The following MIR2052HG variants were observed in gnomAD, a reference collection of about 807,000 sequenced individuals.
MIR2052HG encodes MIR2052 host gene.
intron 2 of MIR2052HG, among the ~76,000 whole-genome samples, chr8:74,639,169 G>C (rs74530283): frequency 0.072 from 10,895 of 152,180 alleles, 588 homozygotes; most frequent in African/African-American, 0.15. Context: ...TGTCATGGGT[G>C]ATCTTGGTCA....
intron 1 of MIR2052HG, among the ~76,000 whole-genome samples, chr8:74,602,831 T>TTCTTTCTTTCTTTCTA (rs1808029534): frequency 7.5e-6 from 1 of 133,672 alleles, no homozygotes; most frequent in Non-Finnish European, 1.6e-5. Context: ...CTTTCTTTCT[T>TTCTTTCTTTCTTTCTA]TCTTTCTTTC....
At chr8:74,670,064 G>C (rs1424161550) in intron 2 of MIR2052HG, among the ~76,000 whole-genome samples, 1 of 152,138 alleles carries the variant, frequency 6.6e-6, no homozygotes, top group African/African-American at 2.4e-5. Flanking sequence ...CAGCAAGAAG[G>C]CTGCTGTCTG....
At chr8:74,654,799 A>T (rs1403093516) in intron 2 of MIR2052HG, among the ~76,000 whole-genome samples, 1 of 152,180 alleles carries the variant, frequency 6.6e-6, no homozygotes, top group Non-Finnish European at 1.5e-5. Context: ...TGTGGAAGCG[A>T]CTTTGGAACT....
chr8:74,648,063 A>T (rs145881794), intron 2 of MIR2052HG, among the ~76,000 whole-genome samples: 1 of 152,218 alleles, frequency 6.6e-6, no homozygotes, highest in East Asian at 1.9e-4. Flanking sequence ...ATAAGGAAAG[A>T]TAACCATAAT....
At chr8:74,681,829 A>G (rs973926205) in intron 2 of MIR2052HG, among the ~76,000 whole-genome samples, 2 of 152,214 alleles carry the variant, frequency 1.3e-5, no homozygotes, top group African/African-American at 4.8e-5. Flanking sequence ...GTATTCTGTT[A>G]TAGCAGAAGA....
intron 2 of MIR2052HG, chr8:74,633,175 A>G (rs1235432933): frequency 6.6e-6 from 1 of 151,774 alleles, no homozygotes; most frequent in Non-Finnish European, 1.5e-5. Context: ...ATGTGCCACC[A>G]CCCCTGGCTA....
At chr8:74,757,765 C>G (rs1810020383) in intron 5 of MIR2052HG, 1 of 152,046 alleles carries the variant, frequency 6.6e-6, no homozygotes, top group Admixed American at 6.6e-5. Flanking sequence ...TTTCGTGATG[C>G]CTACTCCTTG....
At chr8:74,747,942 A>G (rs1223051612) in intron 4 of MIR2052HG, among the ~76,000 whole-genome samples, 1 of 152,186 alleles carries the variant, frequency 6.6e-6, no homozygotes, top group African/African-American at 2.4e-5. Flanking sequence ...AGATGATCCA[A>G]AGTATATGCA....
At chr8:74,726,026 T>C (rs754355659) in intron 4 of MIR2052HG, among the ~76,000 whole-genome samples, 1 of 152,070 alleles carries the variant, frequency 6.6e-6, no homozygotes, top group Non-Finnish European at 1.5e-5. Flanking sequence ...ACCCCATCTC[T>C]ACTAAAGATA....
chr8:74,620,059 G>T (rs1037066234), intron 2 of MIR2052HG, among the ~76,000 whole-genome samples: 4 of 152,220 alleles, frequency 2.6e-5, no homozygotes, highest in Admixed American at 2.0e-4. Context: ...AAACAAAGGG[G>T]CTACAGGCCC....
intron 2 of MIR2052HG, among the ~76,000 whole-genome samples, chr8:74,642,849 G>A (rs189304159): frequency 1.6e-4 from 25 of 152,236 alleles, no homozygotes; most frequent in African/African-American, 3.9e-4. Flanking sequence ...GTTTCATTGC[G>A]TGTCCAGCAT....
At chr8:74,674,746 T>C (rs1809032787) in intron 2 of MIR2052HG, among the ~76,000 whole-genome samples, 1 of 151,910 alleles carries the variant, frequency 6.6e-6, no homozygotes, top group Non-Finnish European at 1.5e-5. Flanking sequence ...ATTAATCATA[T>C]TGATAAACAA....
At chr8:74,745,738 A>G (rs764763962) in intron 4 of MIR2052HG, among the ~76,000 whole-genome samples, 3 of 152,216 alleles carry the variant, frequency 2.0e-5, no homozygotes, top group Non-Finnish European at 2.9e-5. Flanking sequence ...ATTTCCTCAT[A>G]TGGGAAACCG....
intron 4 of MIR2052HG, among the ~76,000 whole-genome samples, chr8:74,728,257 G>T (rs1809656390): frequency 6.6e-6 from 1 of 152,182 alleles, no homozygotes; most frequent in African/African-American, 2.4e-5. Context: ...CCTGAGGTAA[G>T]ATCACTGAGC....
intron 4 of MIR2052HG, among the ~76,000 whole-genome samples, chr8:74,732,342 G>A (rs1224848878): frequency 2.6e-5 from 4 of 151,992 alleles, no homozygotes; most frequent in Admixed American, 2.6e-4. Context: ...TGCTCTTTAT[G>A]GGGGGTCCTG....
intron 1 of MIR2052HG, chr8:74,603,227 A>G (rs973121401): frequency 1.6e-6 from 2 of 1,250,310 alleles, no homozygotes; most frequent in Admixed American, 3.4e-5. Context: ...CAGAAACTAC[A>G]CAGATGGATC....
intron 2 of MIR2052HG, among the ~76,000 whole-genome samples, chr8:74,635,259 G>C (rs59907179): frequency 1.4e-5 from 2 of 147,866 alleles, no homozygotes; most frequent in South Asian, 2.1e-4. Flanking sequence ...TTTTTTTACC[G>C]TCAGGAAGGT....
At chr8:74,740,897 T>C (rs1809821116) in intron 4 of MIR2052HG, among the ~76,000 whole-genome samples, 1 of 152,230 alleles carries the variant, frequency 6.6e-6, no homozygotes, top group South Asian at 2.1e-4. Context: ...CCCTGGGTTA[T>C]GATAGTTCCA....
At position 74,637,431 on chromosome 8, in the gene MIR2052HG, G is replaced by GCA. The variant is rs144103123; in HGVS notation, n.216+24507_216+24508dup. 8.7e-4 allele frequency among the ~76,000 whole-genome samples: 131 copies of GCA among 150,834 alleles called. 1 individual carries two copies. Among genetic ancestry groups the GCA allele is most frequent in the African/African-American group, 1.9e-3 (79 of 41,256 alleles). ...AACACTCAAACACACACATGTGCGT[G>GCA]CACACACACACACACACGATCCTGG... On this transcript the variant is annotated intron_variant and non_coding_transcript_variant, in intron 2 of 6. Coordinates refer to ENST00000523442, the Ensembl canonical transcript of MIR2052HG.
Sources: allele counts gnomAD v4.1 joint callset (sites outside exome capture counted in the v4.1 genomes callset), GRCh38; gene constraint gnomAD v4.1.1; transcripts MANE v1.5; gene names NCBI Gene and HGNC (gene_info 2026-07-23, HGNC 2026-07-21).